Variants in WRAP53 observed in about 807,000 individuals in gnomAD.
The protein encoded by WRAP53 is telomerase Cajal body protein 1.
In WRAP53, 28 loss-of-function variants were observed where a neutral mutation model predicts 56.6. The ratio of observed to expected loss-of-function variants is 0.50; its 90% CI spans 0.37 to 0.68. The LOEUF is 0.68. WRAP53 is among the 30% of genes least tolerant of loss of function. The probability of loss-of-function intolerance (pLI) is 0.00; values close to 1 mark genes in which losing one functional copy is unlikely to be tolerated. For synonymous variants in WRAP53, 283 were observed against 283.4 expected (o/e 1.00, Z 0.01); for missense variants, 671 against 715.5 (o/e 0.94, Z 0.71).
rs2074305652 is a variant in WRAP53, at chr17:7,703,499, G to T, written c.*13G>T. ...TGAGCTGATATAAAAAGGTTTTTATGATACTAGAGTCTTCGTGTCTGTTTT... is the reference window on the plus strand; with the variant it reads ...TGAGCTGATATAAAAAGGTTTTTATTATACTAGAGTCTTCGTGTCTGTTTT... On this transcript the variant is annotated 3_prime_UTR_variant, in exon 11 of 11. Transcript: ENST00000396463. The T allele has an allele frequency of 1.2e-6, 2 of 1,607,022 alleles. No homozygotes were observed. The highest frequency in any genetic ancestry group is 2.7e-5 in the African/African-American group (2 of 73,866).
intron 4 of WRAP53, among the ~76,000 whole-genome samples, chr17:7,690,613 C>T (rs939576067): frequency 2.0e-5 from 3 of 152,058 alleles, no homozygotes; most frequent in African/African-American, 7.2e-5. Context: ...TAGCTTTGTG[C>T]GTTAAAAGAC....
At position 7,703,286 on chromosome 17, in the gene WRAP53, C is replaced by T. The variant is rs1179698637; in HGVS notation, c.1447C>T (p.Arg483Cys). ...LPLLATASGQ[R>C]VFPEPTESGD... ...TCTCCTGGCCACTGCCTCCGGTCAGCGTGTGTTTCCTGAGCCCACAGAGAG... is the reference window on the plus strand; with the variant it reads ...TCTCCTGGCCACTGCCTCCGGTCAGTGTGTGTTTCCTGAGCCCACAGAGAG... The change falls in exon 11 of 11, where the codon CGT becomes TGT. Residue 483 changes from arginine to cysteine, a missense_variant. By Grantham distance (180) the Arg-to-Cys change is radical. Coordinates refer to ENST00000396463, the MANE Select transcript of WRAP53 (RefSeq NM_001143992.2). 5 of 1,613,758 alleles carry T rather than the reference C, an allele frequency of 3.1e-6. No individual in the cohort carries two copies. Among genetic ancestry groups the T allele is most frequent in the East Asian group, 2.2e-5 (1 of 44,876 alleles).
intron 4 of WRAP53, among the ~76,000 whole-genome samples, chr17:7,697,870 CTT>C (rs35262309): frequency 9.7e-5 from 14 of 143,728 alleles, no homozygotes; most frequent in Admixed American, 1.4e-4. Flanking sequence ...ACAATAGACA[CTT>C]TTTTTTTTTT....
chr17:7,700,545 A>C (rs2074259932), intron 4 of WRAP53, among the ~76,000 whole-genome samples, 196 bp from the exon 5 acceptor site: 3 of 151,000 alleles, frequency 2.0e-5, no homozygotes, highest in Non-Finnish European at 2.9e-5. Flanking sequence ...GTCTCAAAAT[A>C]ATAAAAAAAA....
chr17:7,690,085 A>G (rs1486330944), intron 4 of WRAP53, among the ~76,000 whole-genome samples: 2 of 152,146 alleles, frequency 1.3e-5, no homozygotes, highest in Non-Finnish European at 2.9e-5. Context: ...AGTAGCTGGT[A>G]TTACAGGCGC....
chr17:7,696,275 T>C (rs1013350488), intron 4 of WRAP53, among the ~76,000 whole-genome samples: 1 of 142,152 alleles, frequency 7.0e-6, no homozygotes, highest in Non-Finnish European at 1.5e-5. Flanking sequence ...AGAGTCAAAA[T>C]GGCGGGACTC....
intron 4 of WRAP53, among the ~76,000 whole-genome samples, chr17:7,697,144 A>C (rs2074196617): frequency 1.3e-5 from 2 of 151,990 alleles, no homozygotes; most frequent in Admixed American, 1.3e-4. Context: ...AACATGGCAA[A>C]ATCCCGTCTC....
At chr17:7,687,874 G>C (rs935986159), upstream of WRAP53, 1 of 349,486 alleles carries the variant, frequency 2.9e-6, no homozygotes, top group Non-Finnish European at 5.1e-6. Context: ...TTTTAGGAAG[G>C]CTTTCCGTAA....
chr17:7,698,530 T>C (rs989838954), intron 4 of WRAP53, among the ~76,000 whole-genome samples: 1 of 151,912 alleles, frequency 6.6e-6, no homozygotes, highest in African/African-American at 2.4e-5. Context: ...CCAGGAGTTT[T>C]AGACCAGCGT....
upstream of WRAP53, chr17:7,686,795 G>C (rs2073996175): frequency 6.6e-6 from 1 of 152,488 alleles, no homozygotes; most frequent in Admixed American, 6.5e-5. Context: ...TTCCACGACT[G>C]ACAGCCTTCA....
intron 4 of WRAP53, among the ~76,000 whole-genome samples, chr17:7,698,467 C>T (rs917969783): frequency 7.9e-5 from 12 of 152,150 alleles, no homozygotes; most frequent in African/African-American, 2.9e-4. Context: ...CATGGTGGCT[C>T]ATGCTTGTAA....
chr17:7,688,556 G>A lies in WRAP53; in HGVS notation c.-7G>A, dbSNP rs1208826505. 7.2e-7 allele frequency: 1 copy of A among 1,393,578 alleles called. No homozygotes were observed. The highest frequency in any genetic ancestry group is 9.9e-7 in the Non-Finnish European group (1 of 1,011,070). 86.3% of individuals were successfully genotyped at this position (1,393,578 alleles called of 1,614,324 possible). ...TGCCTACTCCCAGAAGAGGAGGGAA[G>A]CACAGGTGGGTTTCTTTAGCTCTGC... On this transcript the variant is annotated 5_prime_UTR_variant, in exon 1 of 11. Transcript: ENST00000396463.
chr17:7,694,757 G>C (rs2074159823), intron 4 of WRAP53, among the ~76,000 whole-genome samples: 1 of 152,072 alleles, frequency 6.6e-6, no homozygotes, highest in African/African-American at 2.4e-5. Context: ...GAGCCTGCGA[G>C]GTTGAGGCTG....
rs377611540 is a variant in WRAP53, at chr17:7,702,427, C to T, written c.1039C>T (p.Arg347Cys). The T allele has an allele frequency of 2.9e-5, 46 of 1,613,986 alleles. No homozygotes were observed. Among genetic ancestry groups the T allele is most frequent in the African/African-American group, 5.3e-5 (4 of 74,910 alleles). ...QPLYACGSYG[R>C]SLGLYAWDDG... The stretch of plus-strand genomic sequence containing the variant: ...CCTCTATGCCTGTGGCTCCTACGGC[C>T]GCTCCCTGGGTCTGTATGCCTGGGA... The change falls in exon 8 of 11, where the codon CGC becomes TGC. Residue 347 changes from arginine (R) to cysteine (C), a missense_variant. By Grantham distance (180) the Arg-to-Cys change is radical. Transcript: ENST00000396463. This position sits in a 1 kb window ranked among gnomAD's most constrained non-coding sequence, Gnocchi z 5.0.
intron 4 of WRAP53, among the ~76,000 whole-genome samples, chr17:7,698,251 T>G (rs2074212921): frequency 6.6e-6 from 1 of 152,178 alleles, no homozygotes; most frequent in South Asian, 2.1e-4. Flanking sequence ...GTGTACAGAA[T>G]GTTAAAGCAC....
intron 4 of WRAP53, 50 bp downstream of exon 4, chr17:7,689,751 C>T (rs2074084436): frequency 4.1e-6 from 6 of 1,447,414 alleles, no homozygotes; most frequent in Non-Finnish European, 4.8e-6. Flanking sequence ...CATTTAAGTC[C>T]TTCGTGGAGA....
rs1286769177 is a variant in WRAP53 at position 7,702,050 on chromosome 17, C to A, written c.955+261C>A. ...CTGTGGAGCTTTTGGTCTCTGAAAT[C>A]TTTCTAGAAAATTGTTGATAAAGCT... On this transcript the variant is annotated intron_variant, in intron 7 of 10. Transcript: ENST00000396463. The surrounding 1 kb of genome is among the most constrained non-coding windows in gnomAD (Gnocchi z 5.0). 2 of 735,958 alleles carry A rather than the reference C, an allele frequency of 2.7e-6. No individual in the cohort carries two copies. Among genetic ancestry groups the A allele is most frequent in the Admixed American group, 4.1e-5 (2 of 48,744 alleles). The allele number at this position is 735,958 out of a possible 1,614,324, so 45.6% of individuals were successfully genotyped here. A position where few individuals can be genotyped will look rare whatever the true frequency, so the allele number is the denominator to read the frequency against.
Position 7,689,579 on chromosome 17 carries a change from CCT to C in WRAP53, c.531-10_531-9del, listed in dbSNP as rs2074081566. ...GGTCTGGCCAGCTTTCTAACTCTCC[CCT>C]GTTTCTAGGGCTCCTGACGGTTCCT... On this transcript the variant is annotated splice_polypyrimidine_tract_variant and intron_variant, in intron 3 of 10. Transcript: ENST00000396463. 4.3e-6 allele frequency: 7 copies of C among 1,612,892 alleles called. No individual in the cohort carries two copies. Among genetic ancestry groups the C allele is most frequent in the African/African-American group, 1.3e-5 (1 of 74,886 alleles).
In WRAP53 at chr17:7,703,251, C is replaced by T; in HGVS notation, c.1412C>T (p.Pro471Leu). ...KDCTNGVSLH[P>L]SLPLLATASG... ...CCCCATCTCTCCCTCAGCCTGCACCCTAGCCTGCCTCTCCTGGCCACTGCC... is the reference window on the plus strand; with the variant it reads ...CCCCATCTCTCCCTCAGCCTGCACCTTAGCCTGCCTCTCCTGGCCACTGCC... Residue 471 changes from proline (P) to leucine (L), a missense_variant, in exon 11 of 11, where the codon CCT becomes CTT. Around this residue, in one of 3 missense-constraint regions of WRAP53, gnomAD observed 158 missense variants for 215.7 expected, o/e 0.73. Coordinates refer to ENST00000396463, the MANE Select transcript of WRAP53 (RefSeq NM_001143992.2). The T allele has an allele frequency of 6.2e-7, 1 of 1,613,546 alleles. No individual in the cohort carries two copies. Among genetic ancestry groups the T allele is most frequent in the Non-Finnish European group, 8.5e-7 (1 of 1,180,010 alleles).
Sources: gnomAD v4.1 joint callset for allele counts (sites outside exome capture counted in the v4.1 genomes callset) on GRCh38, gnomAD v4.1.1 for gene constraint, gnomAD v4.1.1 regional missense constraint, Gnocchi (gnomAD v3.1) non-coding constraint, MANE v1.5 for transcripts, NCBI Gene and HGNC (gene_info 2026-07-23, HGNC 2026-07-21) for gene names.